The following RNF228 variants were observed in gnomAD, a reference collection of about 807,000 sequenced individuals.
RNF228 encodes ring finger protein 228.
At chr2:222,314,726 C>T in the RNF228 span, among the ~76,000 whole-genome samples, 2 of 152,168 alleles carry the variant, frequency 1.3e-5, no homozygotes, top group Non-Finnish European at 2.9e-5. Flanking sequence ...TTATTAAGAT[C>T]ATAAAATTAG....
At chr2:222,315,057 C>T in the RNF228 span, among the ~76,000 whole-genome samples, 4 of 150,324 alleles carry the variant, frequency 2.7e-5, no homozygotes, top group African/African-American at 4.9e-5. Flanking sequence ...TTTCTCAAAA[C>T]TCAAAGTGCT....
the RNF228 span, chr2:222,317,399 T>C: frequency 6.6e-6 from 1 of 152,214 alleles, no homozygotes; most frequent in Non-Finnish European, 1.5e-5. Context: ...GTTCAATTAA[T>C]AGAATAGTGT....
At chr2:222,316,047 T>C in the RNF228 span, among the ~76,000 whole-genome samples, 11 of 151,574 alleles carry the variant, frequency 7.3e-5, no homozygotes, top group African/African-American at 2.7e-4. Context: ...AGAGTTGCCA[T>C]GGGAAGGGAA....
the RNF228 span, among the ~76,000 whole-genome samples, chr2:222,315,841 T>C: frequency 6.6e-6 from 1 of 152,212 alleles, no homozygotes; most frequent in East Asian, 1.9e-4. Context: ...CATCATGAGT[T>C]TCTTTCACCT....
At chr2:222,318,981 CCACGCGGGGCTGGAGGTG>C in the RNF228 span, 1 of 153,506 alleles carries the variant, frequency 6.5e-6, no homozygotes, top group Non-Finnish European at 1.5e-5. Flanking sequence ...TCTTCTCCCG[CCACGCGGGGCTGGAGGTG>C]CAGGCGCCGG....
At chr2:222,316,420 A>G in the RNF228 span, among the ~76,000 whole-genome samples, 1,082 of 152,346 alleles carry the variant, frequency 7.1e-3, 7 homozygotes, top group Non-Finnish European at 0.012. Flanking sequence ...AATTACATGA[A>G]ATTTACACGT....
chr2:222,319,847 C>T, the RNF228 span, among the ~76,000 whole-genome samples: 2 of 151,538 alleles, frequency 1.3e-5, no homozygotes, highest in Non-Finnish European at 2.9e-5. The surrounding 1 kb of genome is among the most constrained non-coding windows in gnomAD (Gnocchi z 7.6). Flanking sequence ...ACGCCAGCAG[C>T]TTGGGCGCGC....
chr2:222,315,225 A>G, the RNF228 span, among the ~76,000 whole-genome samples: 1 of 152,142 alleles, frequency 6.6e-6, no homozygotes, highest in Non-Finnish European at 1.5e-5. Context: ...CCTTCAGCAG[A>G]CTCAACAGAA....
chr2:222,318,901 G>A, the RNF228 span: 1 of 152,362 alleles, frequency 6.6e-6, no homozygotes, highest in African/African-American at 2.4e-5. Flanking sequence ...GAGAGAGTGT[G>A]AGTCCAGGAG....
chr2:222,319,542 G>A, the RNF228 span, among the ~76,000 whole-genome samples: 14 of 145,560 alleles, frequency 9.6e-5, no homozygotes, highest in African/African-American at 3.2e-4. This position sits in a 1 kb window ranked among gnomAD's most constrained non-coding sequence, Gnocchi z 7.6. Flanking sequence ...CGGGGCAGCA[G>A]CGGGCGCGGG....
At chr2:222,318,732 T>A in the RNF228 span, 2 of 147,762 alleles carry the variant, frequency 1.4e-5, no homozygotes, top group South Asian at 2.2e-4. Flanking sequence ...GGGTGGTGCA[T>A]AACGCGGAGG....
At chr2:222,319,948 C>A in the RNF228 span, among the ~76,000 whole-genome samples, 9 of 152,136 alleles carry the variant, frequency 5.9e-5, no homozygotes, top group Non-Finnish European at 8.8e-5. The surrounding 1 kb of genome is among the most constrained non-coding windows in gnomAD (Gnocchi z 7.6). Context: ...GCGTCCCGGG[C>A]TCCTGCGTCT....
chr2:222,316,703 CATAAT>C, the RNF228 span, among the ~76,000 whole-genome samples: 4 of 152,166 alleles, frequency 2.6e-5, no homozygotes, highest in African/African-American at 9.7e-5. Context: ...ATATTTTATA[CATAAT>C]ATATCTTTAA....
At chr2:222,315,831 C>T in the RNF228 span, among the ~76,000 whole-genome samples, 1 of 152,176 alleles carries the variant, frequency 6.6e-6, no homozygotes, top group Non-Finnish European at 1.5e-5. Flanking sequence ...TCGCCACCTG[C>T]ATCATGAGTT....
At chr2:222,318,735 C>G in the RNF228 span, 1 of 151,310 alleles carries the variant, frequency 6.6e-6, no homozygotes, top group African/African-American at 2.4e-5. Context: ...TGGTGCATAA[C>G]GCGGAGGTCA....
the RNF228 span, chr2:222,318,333 G>C: frequency 6.6e-6 from 1 of 152,342 alleles, no homozygotes; most frequent in African/African-American, 2.4e-5. Flanking sequence ...CTCCGAGTCG[G>C]CTCCGATCGC....
the RNF228 span, chr2:222,318,477 C>G: frequency 2.0e-5 from 3 of 152,264 alleles, no homozygotes; most frequent in African/African-American, 7.2e-5. Context: ...CGCTAGGAAG[C>G]AGGAAATCCT....
the RNF228 span, among the ~76,000 whole-genome samples, chr2:222,314,292 A>T: frequency 6.6e-6 from 1 of 152,352 alleles, no homozygotes; most frequent in East Asian, 1.9e-4. Context: ...AAACAATGCC[A>T]ATATATATTA....
chr2:222,319,601 C>G, the RNF228 span, among the ~76,000 whole-genome samples: 2 of 142,072 alleles, frequency 1.4e-5, no homozygotes, highest in African/African-American at 5.0e-5. This position sits in a 1 kb window ranked among gnomAD's most constrained non-coding sequence, Gnocchi z 7.6. Flanking sequence ...GCGGGTCGTG[C>G]GCTGCGCGCA....
Sources: gnomAD v4.1 joint callset for allele counts (sites outside exome capture counted in the v4.1 genomes callset) on GRCh38, gnomAD v4.1.1 for gene constraint, Gnocchi (gnomAD v3.1) non-coding constraint, MANE v1.5 for transcripts, NCBI Gene and HGNC (gene_info 2026-07-23, HGNC 2026-07-21) for gene names.